The following ITPR2 variants were observed in gnomAD, a reference collection of about 807,000 sequenced individuals.
ITPR2 encodes inositol 1,4,5-trisphosphate-gated calcium channel ITPR2.
In ITPR2, 207 loss-of-function variants were observed where a neutral mutation model predicts 317.1. That is an observed-to-expected ratio of 0.65 (90% CI 0.58 to 0.73). ITPR2 has a LOEUF of 0.73. Among genes scored for constraint, ITPR2 ranks in the 30% least tolerant of loss-of-function variants. ITPR2 has a pLI of 0.00. For synonymous variants in ITPR2, 1,156 were observed against 1,149.1 expected, an observed-to-expected ratio of 1.01 and a Z score of -0.12; for missense variants, 2,613 against 3,284.0, an observed-to-expected ratio of 0.80 and a Z score of 4.99.
intron 2 of ITPR2, among the ~76,000 whole-genome samples, chr12:26,762,431 A>T (rs1285960615): frequency 6.6e-6 from 1 of 152,218 alleles, no homozygotes; most frequent in Non-Finnish European, 1.5e-5. Context: ...GTGGGATGAC[A>T]TATTCAAAGT....
chr12:26,710,467 TAGTCATCA>T lies in ITPR2; in HGVS notation c.951+698_951+705del, dbSNP rs556927108. On this transcript the variant is annotated intron_variant, in intron 9 of 56. Coordinates refer to ENST00000381340, the MANE Select transcript of ITPR2 (RefSeq NM_002223.4). ...CCCCATCCTCTATCCATTCACAAAA[TAGTCATCA>T]AATGCTAAGTGCCCAGCACAGTTCC... is the stretch of plus-strand genomic sequence containing the variant. Among the ~76,000 whole-genome samples, 192 of 152,322 alleles carry T rather than the reference TAGTCATCA, an allele frequency of 1.3e-3. 1 individual carries two copies. Among genetic ancestry groups the T allele is most frequent in the African/African-American group, 4.5e-3 (189 of 41,574 alleles).
At chr12:26,719,558 G>A (rs1050173186) in intron 5 of ITPR2, among the ~76,000 whole-genome samples, 1 of 152,140 alleles carries the variant, frequency 6.6e-6, no homozygotes, top group Non-Finnish European at 1.5e-5. Context: ...CATCACAATA[G>A]GAATCTAAAC....
chr12:26,699,305 G>A lies in ITPR2; in HGVS notation c.952-3655C>T, dbSNP rs117915039. Among the ~76,000 whole-genome samples the A allele has an allele frequency of 3.5e-4, 54 of 152,200 alleles. No individual in the cohort carries two copies. In the East Asian group the frequency reaches 7.7e-3, roughly 22 times the overall value. ...GTTACCTTCTACAATCAGTCTTTAC[G>A]TATTTCCCCTGCTTAGGATTACCCG... On this transcript the variant is annotated intron_variant, in intron 9 of 56. Coordinates refer to ENST00000381340, the MANE Select transcript of ITPR2 (RefSeq NM_002223.4).
intron 9 of ITPR2, among the ~76,000 whole-genome samples, chr12:26,699,051 C>T (rs1462762627): frequency 6.6e-6 from 1 of 151,378 alleles, no homozygotes; most frequent in Non-Finnish European, 1.5e-5. Context: ...AAATTATATC[C>T]AAATGATATG....
At chr12:26,778,979 C>T (rs1950028120) in intron 2 of ITPR2, among the ~76,000 whole-genome samples, 1 of 152,094 alleles carries the variant, frequency 6.6e-6, no homozygotes, top group African/African-American at 2.4e-5. Flanking sequence ...GCAACACATT[C>T]GTCATTTGGG....
chr12:26,368,036 A>C (rs1438360657), intron 55 of ITPR2, among the ~76,000 whole-genome samples: 1 of 150,780 alleles, frequency 6.6e-6, no homozygotes, highest in Non-Finnish European at 1.5e-5. Context: ...ATGTTCTGCA[A>C]AGTAGTTTAT....
intron 39 of ITPR2, among the ~76,000 whole-genome samples, chr12:26,490,964 A>G (rs1227775814): frequency 2.0e-5 from 3 of 152,218 alleles, no homozygotes; most frequent in African/African-American, 7.2e-5. Flanking sequence ...TTGAATCCTC[A>G]AAGAGGAGAA....
intron 45 of ITPR2, among the ~76,000 whole-genome samples, chr12:26,458,092 A>G (rs1421782311): frequency 6.6e-6 from 1 of 152,226 alleles, no homozygotes; most frequent in Non-Finnish European, 1.5e-5. Flanking sequence ...ACCTTTCAGT[A>G]TAATTAATCA....
chr12:26,461,689 TATACACACACAC>T (rs1408069796), intron 45 of ITPR2, among the ~76,000 whole-genome samples: 27 of 93,196 alleles, frequency 2.9e-4, no homozygotes, highest in South Asian at 1.3e-3. Context: ...TACATATATA[TATACACACACAC>T]ACACACACAC....
chr12:26,532,872 G>T (rs949539199), intron 37 of ITPR2, among the ~76,000 whole-genome samples: 98 of 152,130 alleles, frequency 6.4e-4, no homozygotes, highest in African/African-American at 2.2e-3. Flanking sequence ...TTTTAGTAGA[G>T]ACAGGGTCTC....
rs116377328 is a variant in ITPR2, at chr12:26,631,701, G to A, written c.2934+165C>T. On this transcript the variant is annotated intron_variant, in intron 22 of 56. Coordinates refer to ENST00000381340, the MANE Select transcript of ITPR2 (RefSeq NM_002223.4). ...AAATGTGATTCATATGTTAAATAGC[G>A]TCTGTGTGATATTTTTTACCAGGTT... is the stretch of plus-strand genomic sequence containing the variant. Among the ~76,000 whole-genome samples, 1,022 of 152,040 alleles carry A rather than the reference G, an allele frequency of 6.7e-3. 19 individuals carry two copies. The highest frequency in any genetic ancestry group is 0.024 in the African/African-American group (974 of 41,446).
At chr12:26,626,296 A>C (rs1946623906) in intron 23 of ITPR2, among the ~76,000 whole-genome samples, 1 of 152,192 alleles carries the variant, frequency 6.6e-6, no homozygotes, top group Non-Finnish European at 1.5e-5. Flanking sequence ...AAAATACACC[A>C]CTTATTTCTC....
intron 9 of ITPR2, among the ~76,000 whole-genome samples, chr12:26,702,927 G>C (rs1002394271): frequency 1.3e-5 from 2 of 152,112 alleles, no homozygotes; most frequent in Non-Finnish European, 2.9e-5. Flanking sequence ...TTCTTAAATA[G>C]CTTGCAACAT....
chr12:26,463,716 A>C (rs1283346169), intron 45 of ITPR2, among the ~76,000 whole-genome samples: 1 of 152,054 alleles, frequency 6.6e-6, no homozygotes, highest in Admixed American at 6.5e-5. Flanking sequence ...AAACAAATTA[A>C]GTACTCTAAG....
chr12:26,556,511 C>A, intron 35 of ITPR2, 136 bp from the exon 36 acceptor site: 1 of 817,024 alleles, frequency 1.2e-6, no homozygotes, highest in South Asian at 2.0e-5. Flanking sequence ...ATGTCTGTGC[C>A]ATAATTATAG....
At chr12:26,573,036 T>C (rs1945200667) in intron 34 of ITPR2, among the ~76,000 whole-genome samples, 1 of 151,182 alleles carries the variant, frequency 6.6e-6, no homozygotes, top group South Asian at 2.1e-4. Flanking sequence ...TTTATTTATT[T>C]ATTTTAGAAA....
intron 2 of ITPR2, among the ~76,000 whole-genome samples, chr12:26,784,735 CGA>C (rs1406460370): frequency 1.3e-5 from 2 of 151,104 alleles, no homozygotes; most frequent in Non-Finnish European, 3.0e-5. Context: ...CCCAAAGTGC[CGA>C]GATTGCAGCC....
At chr12:26,382,661 TCA>T (rs371539515) in intron 55 of ITPR2, among the ~76,000 whole-genome samples, 4 of 129,830 alleles carry the variant, frequency 3.1e-5, no homozygotes, top group African/African-American at 5.0e-5. Flanking sequence ...CAAGAATTTG[TCA>T]CACACACACA....
At chr12:26,707,775 C>A (rs918509792) in intron 9 of ITPR2, among the ~76,000 whole-genome samples, 1 of 152,104 alleles carries the variant, frequency 6.6e-6, no homozygotes, top group Admixed American at 6.5e-5. Flanking sequence ...GGTGATCCAC[C>A]CGCCTCAGCC....
Sources: gnomAD v4.1 joint callset for allele counts (sites outside exome capture counted in the v4.1 genomes callset) on GRCh38, gnomAD v4.1.1 for gene constraint, MANE v1.5 for transcripts, NCBI Gene and HGNC (gene_info 2026-07-23, HGNC 2026-07-21) for gene names.